C4BPA: variants seen among roughly 807,000 people sequenced by gnomAD.
The protein encoded by C4BPA is C4b-binding protein alpha chain.
In C4BPA, 31 loss-of-function variants were observed where a neutral mutation model predicts 63.7. The observed-to-expected ratio is 0.49, with a 90% CI of 0.37 to 0.66. C4BPA has a LOEUF of 0.66. Ranked by LOEUF, C4BPA falls within the 30% of genes least tolerant of loss-of-function variation. The pLI is 0.00. For synonymous variants in C4BPA, 259 were observed against 254.7 expected (o/e 1.02, Z -0.16); for missense variants, 572 against 723.3 (o/e 0.79, Z 2.40).
intron 9 of C4BPA, 132 bp from the exon 10 acceptor site, chr1:207,140,974 C>A: frequency 1.6e-6 from 1 of 626,018 alleles, no homozygotes. Context: ...CTGGGTTTGG[C>A]TACGTGCTCT....
intron 7 of C4BPA, 32 bp downstream of exon 7, chr1:207,126,927 T>C (rs1685056949): frequency 1.3e-6 from 2 of 1,572,272 alleles, no homozygotes; most frequent in African/African-American, 2.7e-5. Flanking sequence ...ATTTCAATGT[T>C]TGGCATCTAA....
At chr1:207,121,820 T>C (rs996879091) in intron 4 of C4BPA, among the ~76,000 whole-genome samples, 4 of 152,118 alleles carry the variant, frequency 2.6e-5, no homozygotes, top group Non-Finnish European at 4.4e-5. Flanking sequence ...AATAAACTTA[T>C]CTTGTATTCT....
rs372772893 is a variant in C4BPA, at chr1:207,123,972, G to A, written c.479G>A (p.Gly160Glu). 6.2e-7 allele frequency: 1 copy of A among 1,611,572 alleles called. No individual in the cohort carries two copies. Among genetic ancestry groups the A allele is most frequent in the South Asian group, 1.1e-5 (1 of 90,764 alleles). ...TTSRCEVQDR[G>E]VGWSHPLPQC... ...AGTCGTTGTGAAGTCCAAGATAGAG[G>A]AGTTGGCTGGAGTCATCCTCTCCCA... The change falls in exon 5 of 12, where the codon GGA becomes GAA. Residue 160 changes from glycine to glutamate, a missense_variant. By Grantham distance (98) the Gly-to-Glu change is moderately conservative (BLOSUM62 -2). Transcript: ENST00000367070.
Position 207,114,182 on chromosome 1 carries a change from T to C in C4BPA, c.225T>C (p.Thr75=), listed in dbSNP as rs1684731812. Reference sequence around the variant, plus strand: ...CTGAGACACGCTTCAAAACTGGAACTACTCTGAAATACACCTGCCTCCCTG... The same window carrying C: ...CTGAGACACGCTTCAAAACTGGAACCACTCTGAAATACACCTGCCTCCCTG... ...TLTETRFKTG[T]TLKYTCLPGY... The change falls in exon 3 of 12, where the codon ACT becomes ACC. Residue 75 remains threonine (T), a synonymous_variant. Coordinates refer to ENST00000367070, the MANE Select transcript of C4BPA (RefSeq NM_000715.4). 1.9e-6 allele frequency: 3 copies of C among 1,613,818 alleles called. No homozygotes were observed. Among genetic ancestry groups the C allele is most frequent in the Non-Finnish European group, 1.7e-6 (2 of 1,179,770 alleles).
At chr1:207,127,047 A>G in intron 7 of C4BPA, 152 bp downstream of exon 7, 1 of 598,086 alleles carries the variant, frequency 1.7e-6, no homozygotes, top group Non-Finnish European at 2.9e-6. Flanking sequence ...TTCTTGTTGG[A>G]AAGAAGAATG....
intron 4 of C4BPA, among the ~76,000 whole-genome samples, chr1:207,117,262 C>A (rs1397357686): frequency 6.6e-6 from 1 of 152,076 alleles, no homozygotes; most frequent in African/African-American, 2.4e-5. Flanking sequence ...CCAGCCCGGG[C>A]AACACAGGGA....
chr1:207,129,091 T>C (rs1236370876), intron 7 of C4BPA, among the ~76,000 whole-genome samples: 2 of 151,948 alleles, frequency 1.3e-5, no homozygotes, highest in East Asian at 3.8e-4. Context: ...AAAATATTGA[T>C]AAAGATAGAA....
chr1:207,105,880 T>A (rs961313332), intron 1 of C4BPA, among the ~76,000 whole-genome samples: 1 of 152,234 alleles, frequency 6.6e-6, no homozygotes, highest in Non-Finnish European at 1.5e-5. Context: ...GGACCCGCCA[T>A]GCTGACTAAA....
At chr1:207,128,167 C>T (rs1266313590) in intron 7 of C4BPA, among the ~76,000 whole-genome samples, 2 of 152,126 alleles carry the variant, frequency 1.3e-5, no homozygotes, top group Non-Finnish European at 2.9e-5. Flanking sequence ...CCCCAGCTTC[C>T]TAGAATGGAA....
chr1:207,116,498 GTGTGTGTGTGTGTGTATA>G (rs760020926), intron 4 of C4BPA, among the ~76,000 whole-genome samples: 1,116 of 76,836 alleles, frequency 0.015, 28 homozygotes, highest in East Asian at 0.1. Context: ...TTCCCACAGT[GTGTGTGTGTGTGTGTATA>G]TGTGTGTGTG....
intron 7 of C4BPA, among the ~76,000 whole-genome samples, chr1:207,127,989 G>C (rs1029288390): frequency 2.0e-5 from 3 of 152,130 alleles, no homozygotes; most frequent in African/African-American, 7.2e-5. Flanking sequence ...TATTGAATCG[G>C]TGCCAGCAAA....
chr1:207,126,012 A>G (rs1685034113), intron 6 of C4BPA, among the ~76,000 whole-genome samples: 1 of 151,994 alleles, frequency 6.6e-6, no homozygotes, highest in African/African-American at 2.4e-5. Context: ...CTGCCTCTGC[A>G]CTATGTAATT....
At chr1:207,129,195 G>A (rs1041884108) in intron 7 of C4BPA, among the ~76,000 whole-genome samples, 2 of 151,856 alleles carry the variant, frequency 1.3e-5, no homozygotes, top group Admixed American at 6.6e-5. Flanking sequence ...GATTTGAGTT[G>A]GAAAAAGAAT....
Position 207,123,969 on chromosome 1 carries a change from G to A in C4BPA, c.476G>A (p.Arg159Lys). The stretch of plus-strand genomic sequence containing the variant: ...ACTAGTCGTTGTGAAGTCCAAGATA[G>A]AGGAGTTGGCTGGAGTCATCCTCTC... Reference protein sequence around the residue: ...STTSRCEVQDRGVGWSHPLPQ... With the variant: ...STTSRCEVQDKGVGWSHPLPQ... Residue 159 changes from arginine (R) to lysine (K), a missense_variant, in exon 5 of 12, where the codon AGA (arginine) becomes AAA (lysine). By Grantham distance (26) the Arg-to-Lys change is conservative. Transcript: ENST00000367070. The A allele has an allele frequency of 6.2e-7, 1 of 1,612,116 alleles. No homozygotes were observed. The highest frequency in any genetic ancestry group is 1.3e-5 in the African/African-American group (1 of 74,990).
chr1:207,120,211 A>G (rs1011235009), intron 4 of C4BPA, among the ~76,000 whole-genome samples: 21 of 152,174 alleles, frequency 1.4e-4, no homozygotes, highest in Non-Finnish European at 2.9e-4. Flanking sequence ...GACAGGTCTC[A>G]ACCTCCAAGC....
intron 7 of C4BPA, 197 bp downstream of exon 7, chr1:207,127,092 C>T (rs879441260): frequency 2.3e-6 from 1 of 442,080 alleles, no homozygotes; most frequent in Admixed American, 4.1e-5. Flanking sequence ...TATATTGTCA[C>T]ACAAAACTGC....
At position 207,126,734 on chromosome 1, in the gene C4BPA, A is replaced by C. The variant is rs1216728529; in HGVS notation, c.728A>C (p.Asp243Ala). ...TCEKITCRKPDVSHGEMVSGF... is the reference protein window; with the variant it reads ...TCEKITCRKPAVSHGEMVSGF... Reference sequence around the variant, plus strand: ...TTAGAAATCACCTGTCGCAAGCCAGATGTTTCACATGGGGAAATGGTCTCT... The same window carrying C: ...TTAGAAATCACCTGTCGCAAGCCAGCTGTTTCACATGGGGAAATGGTCTCT... The change falls in exon 7 of 12, where the codon GAT becomes GCT. Residue 243 changes from aspartate (D) to alanine (A), a missense_variant. Physicochemically the swap from Asp to Ala is moderately radical, Grantham distance 126. Coordinates refer to ENST00000367070, the MANE Select transcript of C4BPA (RefSeq NM_000715.4). 1 of 1,609,746 alleles carries C rather than the reference A, an allele frequency of 6.2e-7. No individual in the cohort carries two copies. Among genetic ancestry groups the C allele is most frequent in the Non-Finnish European group, 8.5e-7 (1 of 1,177,668 alleles).
Position 207,131,619 on chromosome 1 carries a change from G to A in C4BPA, c.963G>A (p.Val321=), listed in dbSNP as rs1411347935. 7 of 1,613,348 alleles carry A rather than the reference G, an allele frequency of 4.3e-6. No homozygotes were observed. Among genetic ancestry groups the A allele is most frequent in the Non-Finnish European group, 5.9e-6 (7 of 1,179,374 alleles). ...ATCCTAGGCCGACAAAAGAGGATGTGTATGTTGTTGGGACTGTGTTAAGGT... is the reference window on the plus strand; with the variant it reads ...ATCCTAGGCCGACAAAAGAGGATGTATATGTTGTTGGGACTGTGTTAAGGT... ...ETYPRPTKED[V]YVVGTVLRYR... The change falls in exon 8 of 12, where the codon GTG becomes GTA. Residue 321 remains valine (V), a synonymous_variant. Transcript: ENST00000367070.
chr1:207,143,380 A>C (rs191124270), intron 10 of C4BPA, among the ~76,000 whole-genome samples: 21 of 152,286 alleles, frequency 1.4e-4, no homozygotes, highest in Admixed American at 8.5e-4. Flanking sequence ...GAAATACCTA[A>C]TGTAGATGAT....
Sources: allele counts gnomAD v4.1 joint callset (sites outside exome capture counted in the v4.1 genomes callset), GRCh38; gene constraint gnomAD v4.1.1; transcripts MANE v1.5; gene names NCBI Gene and HGNC (gene_info 2026-07-23, HGNC 2026-07-21).